CNTNAP2: variants seen among roughly 807,000 people sequenced by gnomAD.
CNTNAP2 encodes contactin-associated protein-like 2.
A neutral mutation model predicts 155.2 loss-of-function variants in CNTNAP2; 98 were observed. The ratio of observed to expected loss-of-function variants is 0.63; its 90% CI spans 0.54 to 0.75. The LOEUF (loss-of-function observed/expected upper bound fraction) is 0.75, where lower values mean the gene tolerates loss of function less well. Among genes scored for constraint, CNTNAP2 ranks in the 30% least tolerant of loss-of-function variants. The probability of loss-of-function intolerance (pLI) is 0.00; values close to 1 mark genes in which losing one functional copy is unlikely to be tolerated. For synonymous variants in CNTNAP2, 651 were observed against 631.2 expected (o/e 1.03, Z -0.47); for missense variants, 1,727 against 1,688.1 (o/e 1.02, Z -0.40).
intron 1 of CNTNAP2, among the ~76,000 whole-genome samples, chr7:146,507,677 C>G (rs184675471): frequency 2.2e-4 from 33 of 152,266 alleles, no homozygotes; most frequent in Non-Finnish European, 3.8e-4. Flanking sequence ...ACAATCCAGG[C>G]CTTTGGACCT....
At chr7:147,573,594 G>A (rs1006878048) in intron 12 of CNTNAP2, among the ~76,000 whole-genome samples, 1 of 152,190 alleles carries the variant, frequency 6.6e-6, no homozygotes, top group East Asian at 1.9e-4. Flanking sequence ...ATGGAGGACA[G>A]AGCGGGAAGT....
intron 1 of CNTNAP2, among the ~76,000 whole-genome samples, chr7:146,152,766 C>T (rs924273786): frequency 4.6e-5 from 7 of 152,040 alleles, no homozygotes; most frequent in African/African-American, 7.2e-5. Context: ...GTGATGAACA[C>T]GAAGTACTTA....
At chr7:147,316,974 A>G (rs2692161) in intron 9 of CNTNAP2, among the ~76,000 whole-genome samples, 74,750 of 152,142 alleles carry the variant, frequency 0.49, 19,539 homozygotes, top group East Asian at 0.73. Flanking sequence ...AATATTTTCC[A>G]TATCAGTGAA....
At chr7:147,299,838 T>C (rs1794907854) in intron 8 of CNTNAP2, among the ~76,000 whole-genome samples, 1 of 152,180 alleles carries the variant, frequency 6.6e-6, no homozygotes, top group Non-Finnish European at 1.5e-5. Context: ...TCCCAGCACT[T>C]TGGGAGGCCG....
chr7:148,170,171 A>G lies in CNTNAP2; in HGVS notation c.2774-2071A>G, dbSNP rs373189853. Reference sequence around the variant, plus strand: ...TTCTCAGTATGTTTATAGTGACCACAATGACTATTACATTGATCACCAGGC... The same window carrying G: ...TTCTCAGTATGTTTATAGTGACCACGATGACTATTACATTGATCACCAGGC... On this transcript the variant is annotated intron_variant, in intron 17 of 23. Coordinates refer to ENST00000361727, the MANE Select transcript of CNTNAP2 (RefSeq NM_014141.6). Among the ~76,000 whole-genome samples the G allele has an allele frequency of 1.0e-3, 158 of 152,362 alleles. 6 individuals are homozygous for G. In the South Asian group the frequency reaches 0.032, roughly 31 times the overall value.
chr7:147,549,216 AT>A (rs1799803925), intron 11 of CNTNAP2, among the ~76,000 whole-genome samples: 1 of 152,130 alleles, frequency 6.6e-6, no homozygotes, highest in Admixed American at 6.5e-5. Context: ...CATGATAATG[AT>A]TCTTCCTCTC....
At chr7:146,792,834 A>C (rs896207206) in intron 2 of CNTNAP2, among the ~76,000 whole-genome samples, 6 of 152,218 alleles carry the variant, frequency 3.9e-5, no homozygotes, top group Admixed American at 3.9e-4. Context: ...GATGAAAATA[A>C]TAATTATTTT....
chr7:148,177,969 A>G (rs1794976253), intron 18 of CNTNAP2, among the ~76,000 whole-genome samples: 1 of 151,638 alleles, frequency 6.6e-6, no homozygotes, highest in Admixed American at 6.6e-5. Flanking sequence ...CATTCATTGA[A>G]CACCTAATGT....
chr7:148,054,983 A>C (rs776590509), intron 15 of CNTNAP2, among the ~76,000 whole-genome samples: 10 of 151,654 alleles, frequency 6.6e-5, no homozygotes, highest in Admixed American at 1.3e-4. Flanking sequence ...CCCTGGTTCA[A>C]GCGATTCTCC....
At chr7:146,126,554 A>G (rs1797640958) in intron 1 of CNTNAP2, among the ~76,000 whole-genome samples, 1 of 152,234 alleles carries the variant, frequency 6.6e-6, no homozygotes, top group Admixed American at 6.5e-5. Flanking sequence ...AAAGCTATGT[A>G]AAATATTTCT....
chr7:146,976,954 C>G (rs1482323169), intron 3 of CNTNAP2, among the ~76,000 whole-genome samples: 2 of 151,992 alleles, frequency 1.3e-5, no homozygotes, highest in African/African-American at 4.8e-5. Flanking sequence ...GTAGCCCCCT[C>G]CAGGACAGAA....
At chr7:146,697,628 T>A (rs1800804362) in intron 1 of CNTNAP2, among the ~76,000 whole-genome samples, 1 of 152,206 alleles carries the variant, frequency 6.6e-6, no homozygotes, top group Non-Finnish European at 1.5e-5. Context: ...TGGTTAATGT[T>A]AGCATTGCTG....
In CNTNAP2 at chr7:147,477,187, A is replaced by G. The variant is rs184147233; in HGVS notation, c.1671-8748A>G. On this transcript the variant is annotated intron_variant, in intron 10 of 23. Coordinates refer to ENST00000361727, the MANE Select transcript of CNTNAP2 (RefSeq NM_014141.6). ...GAAATATAGTTTACAATTATTCTAA[A>G]TTTAACCCATTTTGAGAAAACAAAT... Among the ~76,000 whole-genome samples, 748 of 152,244 alleles carry G rather than the reference A, an allele frequency of 4.9e-3. 3 individuals carry two copies. The highest frequency in any genetic ancestry group is 0.017 in the African/African-American group (697 of 41,554).
chr7:147,253,383 G>GTTT lies in CNTNAP2; in HGVS notation c.1349-46740_1349-46738dup, dbSNP rs556721401. On this transcript the variant is annotated intron_variant, in intron 8 of 23. Coordinates refer to ENST00000361727, the MANE Select transcript of CNTNAP2 (RefSeq NM_014141.6). ...TGCTGATTAGCTTAACAGGTTCTCTGTTTTTTTTTTTTTTTTTTTTAGAAA... is the reference window on the plus strand; with the variant it reads ...TGCTGATTAGCTTAACAGGTTCTCTGTTTTTTTTTTTTTTTTTTTTTTTAGAAA... Among the ~76,000 whole-genome samples, 911 of 118,532 alleles carry GTTT rather than the reference G, an allele frequency of 7.7e-3. 12 individuals are homozygous for GTTT. The highest frequency in any genetic ancestry group is 0.026 in the African/African-American group (859 of 32,806). The allele number at this position is 118,532 out of a possible 152,430, so 77.8% of individuals were successfully genotyped here.
At chr7:147,591,774 T>G (rs1252033042) in intron 12 of CNTNAP2, among the ~76,000 whole-genome samples, 1 of 152,182 alleles carries the variant, frequency 6.6e-6, no homozygotes. Context: ...TGGCATACTG[T>G]ATCCTCAAAG....
intron 15 of CNTNAP2, among the ~76,000 whole-genome samples, chr7:148,007,105 A>G (rs1256126715): frequency 6.6e-6 from 1 of 152,260 alleles, no homozygotes; most frequent in Non-Finnish European, 1.5e-5. Flanking sequence ...CACCAGCCAC[A>G]TGCAGTACAT....
chr7:147,482,038 T>C (rs1457948903), intron 10 of CNTNAP2, among the ~76,000 whole-genome samples: 1 of 152,180 alleles, frequency 6.6e-6, no homozygotes, highest in Non-Finnish European at 1.5e-5. Flanking sequence ...TAGCATTGCA[T>C]TCATCCATTC....
intron 17 of CNTNAP2, among the ~76,000 whole-genome samples, chr7:148,155,844 C>T (rs1418721319): frequency 2.6e-5 from 4 of 152,170 alleles, no homozygotes; most frequent in Non-Finnish European, 5.9e-5. Flanking sequence ...TCTATACCAG[C>T]GTCCCCTGAC....
chr7:147,727,138 T>G (rs1033686108), intron 13 of CNTNAP2, among the ~76,000 whole-genome samples: 4 of 151,878 alleles, frequency 2.6e-5, no homozygotes, highest in Non-Finnish European at 5.9e-5. Context: ...AGAAGACAGA[T>G]AGCATCCTGA....
Sources: allele counts gnomAD v4.1 joint callset (sites outside exome capture counted in the v4.1 genomes callset), GRCh38; gene constraint gnomAD v4.1.1; transcripts MANE v1.5; gene names NCBI Gene and HGNC (gene_info 2026-07-23, HGNC 2026-07-21).